The following N4BP3 variants were observed in gnomAD, a reference collection of about 807,000 sequenced individuals.
N4BP3 encodes the protein NEDD4 binding protein 3, also known as NEDD4-binding protein 3.
N4BP3 carries 33 observed loss-of-function variants against 43.8 expected under a neutral mutation model. The observed-to-expected ratio is 0.75, with a 90% confidence interval of 0.57 to 1.01. The LOEUF (loss-of-function observed/expected upper bound fraction) is 1.01. N4BP3 is among the 50% of genes least tolerant of loss of function. The pLI is 0.00. For missense variants in N4BP3, 756 were observed against 744.2 expected, an observed-to-expected ratio of 1.02 and a Z score of -0.18; for synonymous variants, 326 against 321.9, an observed-to-expected ratio of 1.01 and a Z score of -0.14.
intron 1 of N4BP3, among the ~76,000 whole-genome samples, chr5:178,114,112 T>A (rs906569193): frequency 2.0e-5 from 3 of 152,044 alleles, no homozygotes; most frequent in African/African-American, 7.2e-5. Flanking sequence ...CAGGCGTCCT[T>A]GGCGCCGGCG....
At chr5:178,113,793 C>T (rs1285437459) in intron 1 of N4BP3, 22 bp downstream of exon 1, 1 of 93,874 alleles carries the variant, frequency 1.1e-5, no homozygotes, top group Non-Finnish European at 2.2e-5. Flanking sequence ...GCGCGAGGGG[C>T]TGGGGACCCG....
At position 178,121,959 on chromosome 5, in the gene N4BP3, C is replaced by T. The variant is rs370085505; in HGVS notation, c.1593C>T (p.Pro531=). The stretch of plus-strand genomic sequence containing the variant: ...AGGAACTGCGGGCACTGCGGGAGCC[C>T]CCCACACCCTGGAGTCCCCGGCTCG... The part of the protein sequence containing the change: ...LEQELRALRE[P]PTPWSPRLES... The change falls in exon 5 of 5, where the codon CCC becomes CCT. Residue 531 remains proline, a synonymous_variant. Transcript: ENST00000274605. 3.1e-6 allele frequency: 5 copies of T among 1,609,616 alleles called. No individual in the cohort carries two copies. Among genetic ancestry groups the T allele is most frequent in the Non-Finnish European group, 4.2e-6 (5 of 1,178,420 alleles).
chr5:178,116,594 C>T (rs1339833922), intron 1 of N4BP3, among the ~76,000 whole-genome samples: 3 of 152,200 alleles, frequency 2.0e-5, no homozygotes, highest in Admixed American at 1.3e-4. Flanking sequence ...CTGGACGTGA[C>T]CGTCTGCACC....
At chr5:178,119,014 C>T (rs912895330) in intron 1 of N4BP3, among the ~76,000 whole-genome samples, 3 of 152,094 alleles carry the variant, frequency 2.0e-5, no homozygotes, top group Non-Finnish European at 4.4e-5. Context: ...TACAGGCGCC[C>T]ACCACCATGC....
intron 1 of N4BP3, among the ~76,000 whole-genome samples, chr5:178,116,913 TCTGA>T (rs746722818): frequency 3.9e-5 from 6 of 152,328 alleles, no homozygotes; most frequent in Non-Finnish European, 5.9e-5. Flanking sequence ...CCCCTCCATC[TCTGA>T]CTGTCAGTAA....
At chr5:178,115,599 G>A (rs1757753902) in intron 1 of N4BP3, among the ~76,000 whole-genome samples, 1 of 152,238 alleles carries the variant, frequency 6.6e-6, no homozygotes, top group African/African-American at 2.4e-5. Flanking sequence ...CCCTGCGGCT[G>A]AACGTGACCT....
chr5:178,117,815 G>C (rs1206254972), intron 1 of N4BP3, among the ~76,000 whole-genome samples: 8 of 152,054 alleles, frequency 5.3e-5, no homozygotes, highest in Non-Finnish European at 1.2e-4. Flanking sequence ...CCCATCCTGG[G>C]TTTGGGGGTT....
At position 178,113,693 on chromosome 5, in the gene N4BP3, G is replaced by A. The variant is rs914145555; in HGVS notation, c.-109G>A. ...CCCGGCCCGAGCCGACGCCTTGCAG[G>A]AGGGTTCAAATCCGCGCGGGGGAGC... is the stretch of plus-strand genomic sequence containing the variant. On this transcript the variant is annotated 5_prime_UTR_variant, in exon 1 of 5. Transcript: ENST00000274605. The A allele has an allele frequency of 6.6e-6, 1 of 152,048 alleles. No individual in the cohort carries two copies. The highest frequency in any genetic ancestry group is 1.5e-5 in the Non-Finnish European group (1 of 67,992). 9.4% of individuals were successfully genotyped at this position (152,048 alleles called of 1,614,324 possible).
chr5:178,120,699 G>A lies in N4BP3; in HGVS notation c.852G>A (p.Gln284=). The A allele has an allele frequency of 6.3e-7, 1 of 1,579,842 alleles. No individual in the cohort carries two copies. Among genetic ancestry groups the A allele is most frequent in the Non-Finnish European group, 8.6e-7 (1 of 1,167,730 alleles). ...GDEDGSNPFT[Q]VLEERQRLWL... Reference sequence around the variant, plus strand: ...AGGACGGCTCCAACCCCTTCACGCAGGTGAGGGAGCCCCTGCCCTGGAGTC... The same window carrying A: ...AGGACGGCTCCAACCCCTTCACGCAAGTGAGGGAGCCCCTGCCCTGGAGTC... Residue 284 remains glutamine (Q), a splice_region_variant and synonymous_variant, in exon 3 of 5, where the codon CAG becomes CAA. Coordinates refer to ENST00000274605, the MANE Select transcript of N4BP3 (RefSeq NM_015111.2).
chr5:178,119,569 C>T lies in N4BP3; in HGVS notation c.-15C>T, dbSNP rs775304020. ...CAATTCCCAGAAGCAGCTGCCTGTA[C>T]CCTGTTGAAACTTCATGGCCACAGC... On this transcript the variant is annotated 5_prime_UTR_variant, in exon 2 of 5. Transcript: ENST00000274605. 5 of 1,523,074 alleles carry T rather than the reference C, an allele frequency of 3.3e-6. No individual in the cohort carries two copies. The highest frequency in any genetic ancestry group is 1.3e-5 in the South Asian group (1 of 75,850). The allele number at this position is 1,523,074 out of a possible 1,614,324, so 94.3% of individuals were successfully genotyped here.
Position 178,122,069 on chromosome 5 carries a change from C to T in N4BP3, c.*68C>T, listed in dbSNP as rs578190534. 168 of 1,486,124 alleles carry T rather than the reference C, an allele frequency of 1.1e-4. 1 individual carries two copies. In the Admixed American group the frequency reaches 3.9e-3, roughly 35 times the overall value. The allele number at this position is 1,486,124 out of a possible 1,614,324, so 92.1% of individuals were successfully genotyped here. ...GCCCTGAGACGGCCGGCTCAGCCTTCCCTTGCACTGGTTGGGGTGGAACCT... is the reference window on the plus strand; with the variant it reads ...GCCCTGAGACGGCCGGCTCAGCCTTTCCTTGCACTGGTTGGGGTGGAACCT... On this transcript the variant is annotated 3_prime_UTR_variant, in exon 5 of 5. Transcript: ENST00000274605.
In N4BP3 at chr5:178,121,604, A is replaced by T; in HGVS notation, c.1238A>T (p.Gln413Leu). Reference protein sequence around the residue: ...TQLRGSRAQAQAQDAELVRLR... With the variant: ...TQLRGSRAQALAQDAELVRLR... ...CTTCGGGGCAGCCGGGCACAAGCCCAGGCTCAGGACGCAGAGCTGGTCCGG... is the reference window on the plus strand; with the variant it reads ...CTTCGGGGCAGCCGGGCACAAGCCCTGGCTCAGGACGCAGAGCTGGTCCGG... The change falls in exon 5 of 5, where the codon CAG becomes CTG. Residue 413 changes from glutamine (Q) to leucine (L), a missense_variant. By Grantham distance (113) the Gln-to-Leu change is moderately radical (BLOSUM62 -2). Coordinates refer to ENST00000274605, the MANE Select transcript of N4BP3 (RefSeq NM_015111.2). 1.2e-6 allele frequency: 2 copies of T among 1,613,296 alleles called. No individual in the cohort carries two copies. The highest frequency in any genetic ancestry group is 1.7e-6 in the Non-Finnish European group (2 of 1,179,948).
At chr5:178,115,591 C>T (rs1349338932) in intron 1 of N4BP3, among the ~76,000 whole-genome samples, 6 of 152,220 alleles carry the variant, frequency 3.9e-5, no homozygotes, top group Non-Finnish European at 7.3e-5. Flanking sequence ...GCTTTCTCCC[C>T]TGCGGCTGAA....
chr5:178,121,627 CGGCTGCGCGAGGCTGT>C lies in N4BP3; in HGVS notation c.1263_1278del (p.Leu422AlafsTer27). 6.2e-7 allele frequency: 1 copy of C among 1,612,884 alleles called. No homozygotes were observed. Among genetic ancestry groups the C allele is most frequent in the Non-Finnish European group, 8.5e-7 (1 of 1,179,900 alleles). On this transcript the variant is annotated frameshift_variant, in exon 5 of 5. Transcript: ENST00000274605. LOFTEE classifies it high-confidence loss of function. ...CCAGGCTCAGGACGCAGAGCTGGTC[CGGCTGCGCGAGGCTGT>C]GCGCAGCCTGCAGGAGCAGGCCCCT...
intron 1 of N4BP3, among the ~76,000 whole-genome samples, chr5:178,115,890 C>G (rs1447402604): frequency 6.6e-6 from 1 of 152,114 alleles, no homozygotes; most frequent in East Asian, 1.9e-4. Context: ...ATCTTGGGGA[C>G]TGGAGAGGGG....
At position 178,120,335 on chromosome 5, in the gene N4BP3, G is replaced by C; in HGVS notation, c.488G>C (p.Arg163Pro). 1 of 1,607,638 alleles carries C rather than the reference G, an allele frequency of 6.2e-7. No individual in the cohort carries two copies. The highest frequency in any genetic ancestry group is 8.5e-7 in the Non-Finnish European group (1 of 1,176,594). ...CACCCGCCCCTGAGCCCCGGGCCCCGGGCCAGCCAGGCCCGGGCACAGCTG... is the reference window on the plus strand; with the variant it reads ...CACCCGCCCCTGAGCCCCGGGCCCCCGGCCAGCCAGGCCCGGGCACAGCTG... ...ACHPPLSPGP[R>P]ASQARAQLLH... is the part of the protein sequence containing the mutation. Residue 163 changes from arginine (R) to proline (P), a missense_variant, in exon 3 of 5, where the codon CGG becomes CCG. Transcript: ENST00000274605.
At chr5:178,114,845 G>T (rs1219707729) in intron 1 of N4BP3, among the ~76,000 whole-genome samples, 5 of 152,234 alleles carry the variant, frequency 3.3e-5, no homozygotes, top group African/African-American at 7.2e-5. Context: ...GGGATTCCAG[G>T]CCTGGTGGAC....
chr5:178,114,154 C>T (rs902760869), intron 1 of N4BP3, among the ~76,000 whole-genome samples: 4 of 152,344 alleles, frequency 2.6e-5, no homozygotes, highest in African/African-American at 7.2e-5. Flanking sequence ...CCGGCCCAGC[C>T]GCTCCCGGCA....
At chr5:178,119,108 C>T (rs781363563) in intron 1 of N4BP3, among the ~76,000 whole-genome samples, 1 of 152,200 alleles carries the variant, frequency 6.6e-6, no homozygotes. Context: ...TTGTGATCTG[C>T]CTGCCTTAGC....
Sources: gnomAD v4.1 joint callset for allele counts (sites outside exome capture counted in the v4.1 genomes callset) on GRCh38, gnomAD v4.1.1 for gene constraint, MANE v1.5 for transcripts, NCBI Gene and HGNC (gene_info 2026-07-23, HGNC 2026-07-21) for gene names.